The following KCNH1 variants were observed in gnomAD, a reference collection of about 807,000 sequenced individuals.
KCNH1 encodes the protein voltage-gated delayed rectifier potassium channel KCNH1.
KCNH1 carries 27 observed loss-of-function variants against 69.2 expected under a neutral mutation model. That is an observed-to-expected ratio of 0.39 (90% CI 0.29 to 0.54). The LOEUF (loss-of-function observed/expected upper bound fraction) is 0.54, where lower values mean the gene tolerates loss of function less well. Ranked by LOEUF, KCNH1 falls within the 20% of genes least tolerant of loss-of-function variation. The pLI, the probability that KCNH1 is intolerant of heterozygous loss-of-function variation, is 0.68. For missense variants in KCNH1, 798 were observed against 1,261.6 expected (o/e 0.63, Z 5.57); for synonymous variants, 456 against 487.7 (o/e 0.93, Z 0.86).
Position 210,683,593 on chromosome 1 carries a change from C to G in KCNH1, c.2658G>C (p.Lys886Asn). ...KTDSCDSGIT[K>N]SDLRLDNVGE... ...CCACGTTGTCCAGGCGCAAGTCGCT[C>G]TTGGTGATGCCACTGTCACACGAGT... is the stretch of plus-strand genomic sequence containing the variant. The change falls in exon 11 of 11, where the codon AAG becomes AAC. Residue 886 changes from lysine (K) to asparagine (N), a missense_variant. Physicochemically the swap from Lys to Asn is moderately conservative, Grantham distance 94. Transcript: ENST00000271751. This position sits in a 1 kb window ranked among gnomAD's most constrained non-coding sequence, Gnocchi z 5.7. 1 of 1,614,192 alleles carries G rather than the reference C, an allele frequency of 6.2e-7. No individual in the cohort carries two copies. Among genetic ancestry groups the G allele is most frequent in the Non-Finnish European group, 8.5e-7 (1 of 1,180,036 alleles).
Position 210,792,636 on chromosome 1 carries a change from C to A in KCNH1, c.1915+4872G>T, listed in dbSNP as rs75501925. On this transcript the variant is annotated intron_variant, in intron 9 of 10. Coordinates refer to ENST00000271751, the MANE Select transcript of KCNH1 (RefSeq NM_172362.3). Reference sequence around the variant, plus strand: ...GAGTTAAATCTCTAGCTTCAGGACTCTTCACTGCTTGATGCAGCCTGGCCA... The same window carrying A: ...GAGTTAAATCTCTAGCTTCAGGACTATTCACTGCTTGATGCAGCCTGGCCA... Among the ~76,000 whole-genome samples the A allele has an allele frequency of 4.1e-3, 620 of 151,898 alleles. 36 individuals carry two copies. In the East Asian group the frequency reaches 0.096, roughly 24 times the overall value.
At chr1:211,100,320 A>G (rs1691235158) in intron 3 of KCNH1, among the ~76,000 whole-genome samples, 1 of 151,996 alleles carries the variant, frequency 6.6e-6, no homozygotes, top group Non-Finnish European at 1.5e-5. Flanking sequence ...TAGTCTCTCC[A>G]ACCTCATATT....
intron 7 of KCNH1, among the ~76,000 whole-genome samples, chr1:210,863,011 G>A (rs1413605019): frequency 2.0e-5 from 3 of 152,212 alleles, no homozygotes; most frequent in Non-Finnish European, 2.9e-5. Context: ...CAGGGCATGC[G>A]TGTAAAGTTA....
intron 10 of KCNH1, among the ~76,000 whole-genome samples, chr1:210,761,076 C>T (rs1216979677): frequency 6.6e-6 from 1 of 150,546 alleles, no homozygotes; most frequent in Non-Finnish European, 1.5e-5. Flanking sequence ...AATGGTGAAA[C>T]CCCGTCTCTA....
In KCNH1 at chr1:210,775,566, G is replaced by A. The variant is rs1457163580; in HGVS notation, c.1916-22C>T. On this transcript the variant is annotated intron_variant, in intron 9 of 10. Transcript: ENST00000271751. ...TTTCCTAAGGAGAGAAGGTTGTCAT[G>A]AGGAAAGTGTTGGCCAGGAGAGGTC... 5.6e-6 allele frequency: 9 copies of A among 1,602,790 alleles called. No individual in the cohort carries two copies. The African/African-American group carries it at 1.1e-4, about 19-fold the overall frequency.
At chr1:210,722,274 G>A (rs572171446) in intron 10 of KCNH1, among the ~76,000 whole-genome samples, 8 of 152,296 alleles carry the variant, frequency 5.3e-5, no homozygotes, top group East Asian at 3.9e-4. Context: ...AAGGTATTTC[G>A]TAAAAGGGCT....
chr1:210,861,604 C>G (rs961493008), intron 7 of KCNH1: 1 of 771,630 alleles, frequency 1.3e-6, no homozygotes, highest in Non-Finnish European at 2.4e-6. Flanking sequence ...TTATCAGTTC[C>G]AGTGGTATAG....
At chr1:210,691,728 A>T (rs1258638858) in intron 10 of KCNH1, among the ~76,000 whole-genome samples, 1 of 152,230 alleles carries the variant, frequency 6.6e-6, no homozygotes, top group Non-Finnish European at 1.5e-5. Flanking sequence ...TTCCCAGAGG[A>T]TTTAAAGAGG....
At chr1:210,922,359 G>C in intron 6 of KCNH1, among the ~76,000 whole-genome samples, 1 of 128,336 alleles carries the variant, frequency 7.8e-6, no homozygotes, top group Non-Finnish European at 1.6e-5. Flanking sequence ...ACTCCAGCCT[G>C]GGCAACAGAG....
At chr1:211,002,835 C>T (rs1558563452) in intron 6 of KCNH1, among the ~76,000 whole-genome samples, 1 of 152,050 alleles carries the variant, frequency 6.6e-6, no homozygotes, top group Non-Finnish European at 1.5e-5. Context: ...GGATAGAGTG[C>T]AAAGAGTCAA....
intron 7 of KCNH1, among the ~76,000 whole-genome samples, chr1:210,816,349 C>G (rs1469789994): frequency 1.3e-5 from 2 of 152,170 alleles, no homozygotes; most frequent in South Asian, 2.1e-4. Flanking sequence ...TCTCATCTGT[C>G]GAATAAAACA....
chr1:210,836,357 A>G (rs1159252728), intron 7 of KCNH1, among the ~76,000 whole-genome samples: 1 of 152,192 alleles, frequency 6.6e-6, no homozygotes, highest in Non-Finnish European at 1.5e-5. Flanking sequence ...GAGATTGCAC[A>G]GAAGTTGTAT....
intron 9 of KCNH1, among the ~76,000 whole-genome samples, chr1:210,784,967 CA>C (rs1340569545): frequency 1.3e-5 from 2 of 152,186 alleles, no homozygotes; most frequent in Non-Finnish European, 2.9e-5. Context: ...CCCAGTTCAA[CA>C]ACCTGGCCTT....
chr1:210,724,503 C>A (rs1682544343), intron 10 of KCNH1, among the ~76,000 whole-genome samples: 1 of 151,998 alleles, frequency 6.6e-6, no homozygotes, highest in Non-Finnish European at 1.5e-5. Flanking sequence ...AAATAGTGCT[C>A]CTACTGAAGA....
At chr1:210,943,861 G>T (rs1368547495) in intron 6 of KCNH1, among the ~76,000 whole-genome samples, 1 of 152,192 alleles carries the variant, frequency 6.6e-6, no homozygotes, top group African/African-American at 2.4e-5. Flanking sequence ...GCAGAATGGT[G>T]TCCTGGGACT....
intron 7 of KCNH1, among the ~76,000 whole-genome samples, chr1:210,887,808 A>G (rs926033889): frequency 1.3e-5 from 2 of 152,000 alleles, no homozygotes; most frequent in African/African-American, 4.8e-5. Context: ...CAAAAAAGAG[A>G]AAGAAGGCCA....
At chr1:210,859,582 C>T (rs1263975079) in intron 7 of KCNH1, 3 of 1,539,438 alleles carry the variant, frequency 1.9e-6, no homozygotes, top group African/African-American at 2.7e-5. Flanking sequence ...ATCTTCATCA[C>T]TCCCCAGTTC....
intron 7 of KCNH1, among the ~76,000 whole-genome samples, chr1:210,842,178 C>T (rs1685426639): frequency 6.6e-6 from 1 of 152,162 alleles, no homozygotes; most frequent in African/African-American, 2.4e-5. Context: ...GGCACAAGAA[C>T]ATGTTGCTTA....
At chr1:210,895,113 A>G (rs1433589467) in intron 7 of KCNH1, among the ~76,000 whole-genome samples, 1 of 151,868 alleles carries the variant, frequency 6.6e-6, no homozygotes, top group Non-Finnish European at 1.5e-5. Flanking sequence ...CAGTATCTTG[A>G]AAGTATTGTT....
Sources: allele counts gnomAD v4.1 joint callset (sites outside exome capture counted in the v4.1 genomes callset), GRCh38; gene constraint gnomAD v4.1.1; non-coding constraint Gnocchi (gnomAD v3.1); transcripts MANE v1.5; gene names NCBI Gene and HGNC (gene_info 2026-07-23, HGNC 2026-07-21).